The following HORMAD2 variants were observed in gnomAD, a reference collection of about 807,000 sequenced individuals.
The protein encoded by HORMAD2 is HORMA domain-containing protein 2.
HORMAD2 carries 45 observed loss-of-function variants against 38.8 expected under a neutral mutation model. The observed-to-expected ratio is 1.16, with a 90% CI of 0.91 to 1.49. HORMAD2 has a LOEUF of 1.49. Among genes scored for constraint, HORMAD2 ranks in the 40% most tolerant of loss-of-function variants. The pLI, the probability that HORMAD2 is intolerant of heterozygous loss-of-function variation, is 0.00. For synonymous variants in HORMAD2, 126 were observed against 122.8 expected, an observed-to-expected ratio of 1.03 and a Z score of -0.17; for missense variants, 338 against 367.0, an observed-to-expected ratio of 0.92 and a Z score of 0.65.
chr22:30,116,976 G>C lies in HORMAD2; in HGVS notation c.343-2004G>C, dbSNP rs536766808. 2.0e-5 allele frequency among the ~76,000 whole-genome samples: 3 copies of C among 152,284 alleles called. No individual in the cohort carries two copies. In the East Asian group the frequency reaches 5.8e-4, roughly 29 times the overall value. The stretch of plus-strand genomic sequence containing the variant: ...ATCTGGAGTGAACCTGTTGCTATAG[G>C]CTCCTCTAATCTCATCTGTCTCTCC... On this transcript the variant is annotated intron_variant, in intron 7 of 10. Coordinates refer to ENST00000336726, the MANE Select transcript of HORMAD2 (RefSeq NM_152510.4).
At chr22:30,101,673 A>T (rs1410377203) in intron 3 of HORMAD2, among the ~76,000 whole-genome samples, 1 of 152,120 alleles carries the variant, frequency 6.6e-6, no homozygotes, top group Non-Finnish European at 1.5e-5. Context: ...ATAGAGAGCT[A>T]CAAGTTGCCT....
intron 1 of HORMAD2, among the ~76,000 whole-genome samples, chr22:30,087,758 A>G (rs376154216): frequency 3.6e-4 from 55 of 152,178 alleles, no homozygotes; most frequent in Non-Finnish European, 6.2e-4. Flanking sequence ...TTAAACAACC[A>G]GATCTTGCAA....
At chr22:30,167,879 G>T (rs1225608147) in intron 10 of HORMAD2, among the ~76,000 whole-genome samples, 1 of 152,106 alleles carries the variant, frequency 6.6e-6, no homozygotes. Context: ...TTCAAAACTT[G>T]CACTTACTAA....
chr22:30,190,192 A>G, the HORMAD2 span, among the ~76,000 whole-genome samples: 1 of 152,188 alleles, frequency 6.6e-6, no homozygotes, highest in East Asian at 1.9e-4. Context: ...CTATATACAT[A>G]TCACCTGAAT....
At chr22:30,121,242 C>T (rs1255261793) in intron 8 of HORMAD2, among the ~76,000 whole-genome samples, 2 of 152,140 alleles carry the variant, frequency 1.3e-5, no homozygotes, top group East Asian at 1.9e-4. Flanking sequence ...AATGTCTTTA[C>T]GCTTATCTCA....
intron 8 of HORMAD2, among the ~76,000 whole-genome samples, chr22:30,120,834 A>G (rs552434277): frequency 2.6e-4 from 40 of 152,336 alleles, no homozygotes; most frequent in African/African-American, 8.4e-4. Flanking sequence ...CAGGAAGAAA[A>G]GTGGAAAAGC....
intron 10 of HORMAD2, among the ~76,000 whole-genome samples, chr22:30,172,338 G>T (rs1158207106): frequency 6.6e-6 from 1 of 152,140 alleles, no homozygotes; most frequent in Non-Finnish European, 1.5e-5. Context: ...AATAACTGCT[G>T]AATGAATTGC....
chr22:30,194,768 G>T, the HORMAD2 span, among the ~76,000 whole-genome samples: 1 of 152,210 alleles, frequency 6.6e-6, no homozygotes, highest in Non-Finnish European at 1.5e-5. Flanking sequence ...TCTGAGCAGA[G>T]TAGCAACATG....
intron 10 of HORMAD2, among the ~76,000 whole-genome samples, chr22:30,158,044 C>T (rs924352480): frequency 3.3e-5 from 5 of 151,304 alleles, no homozygotes; most frequent in Non-Finnish European, 7.4e-5. Context: ...AGATTTAATT[C>T]TTAAGTGTAT....
chr22:30,095,026 T>C (rs888182543), intron 2 of HORMAD2, among the ~76,000 whole-genome samples: 3 of 152,170 alleles, frequency 2.0e-5, no homozygotes, highest in African/African-American at 7.2e-5. Flanking sequence ...CCCTAGAAAC[T>C]ACATGCTTTC....
At chr22:30,192,635 T>C in the HORMAD2 span, among the ~76,000 whole-genome samples, 2 of 152,198 alleles carry the variant, frequency 1.3e-5, no homozygotes, top group African/African-American at 4.8e-5. Flanking sequence ...ACTAGACTGG[T>C]AAACTACAGG....
At chr22:30,193,169 C>G in the HORMAD2 span, among the ~76,000 whole-genome samples, 1 of 152,134 alleles carries the variant, frequency 6.6e-6, no homozygotes, top group African/African-American at 2.4e-5. Context: ...ATGTCTTAAC[C>G]ACAGTTGATG....
At chr22:30,079,927 G>C (rs1461004666), upstream of HORMAD2, among the ~76,000 whole-genome samples, 1 of 152,072 alleles carries the variant, frequency 6.6e-6, no homozygotes, top group Non-Finnish European at 1.5e-5. Flanking sequence ...TGACGCGCCC[G>C]CCTCAGCCTC....
chr22:30,136,879 C>G (rs966175927), intron 10 of HORMAD2: 1 of 414,804 alleles, frequency 2.4e-6, no homozygotes, highest in Non-Finnish European at 4.4e-6. Context: ...TTTTCTATGT[C>G]TTTTCCAGTG....
rs144770816 is a variant in HORMAD2, at chr22:30,164,581, G to A, written c.820-11482G>A. On this transcript the variant is annotated intron_variant, in intron 10 of 10. Transcript: ENST00000336726. ...TGAGCATCTTTTCATGTGCTTATTG[G>A]CTAATTGCATATCTTATTTAGAGAA... Among the ~76,000 whole-genome samples, 474 of 152,156 alleles carry A rather than the reference G, an allele frequency of 3.1e-3. 9 individuals carry two copies. The highest frequency in any genetic ancestry group is 0.011 in the African/African-American group (458 of 41,512).
chr22:30,131,087 G>C (rs771563445), intron 10 of HORMAD2, among the ~76,000 whole-genome samples: 5 of 152,192 alleles, frequency 3.3e-5, no homozygotes, highest in Admixed American at 3.3e-4. Context: ...TTTCTTCAAA[G>C]AACTGACCTA....
At chr22:30,194,805 C>G in the HORMAD2 span, among the ~76,000 whole-genome samples, 1 of 152,160 alleles carries the variant, frequency 6.6e-6, no homozygotes, top group Non-Finnish European at 1.5e-5. Context: ...AGGAACATTG[C>G]TTTGGCCAAC....
intron 1 of HORMAD2, 34 bp downstream of exon 1, chr22:30,080,525 G>C (rs1231312554): frequency 1.3e-5 from 2 of 152,370 alleles, no homozygotes; most frequent in Non-Finnish European, 2.9e-5. Context: ...TCTCGGCCCA[G>C]AGAGGGCACT....
intron 10 of HORMAD2, among the ~76,000 whole-genome samples, chr22:30,129,228 AAAAAAAAAAAAAAAAAAAAAAAAAAAAAG>A (rs1354131821): frequency 2.7e-5 from 2 of 72,804 alleles, no homozygotes; most frequent in East Asian, 3.1e-4. Flanking sequence ...AAAAAAAAAA[AAAAAAAAAAAAAAAAAAAAAAAAAAAAAG>A]AGAGAGAGAG....
Sources: gnomAD v4.1 joint callset for allele counts (sites outside exome capture counted in the v4.1 genomes callset) on GRCh38, gnomAD v4.1.1 for gene constraint, MANE v1.5 for transcripts, NCBI Gene and HGNC (gene_info 2026-07-23, HGNC 2026-07-21) for gene names.